The following RSBN1L variants were observed in gnomAD, a reference collection of about 807,000 sequenced individuals.
The protein encoded by RSBN1L is round spermatid basic protein 1 like.
Under a neutral mutation model 67.7 loss-of-function variants are expected in RSBN1L, and 30 were observed. The ratio of observed to expected loss-of-function variants is 0.44; its 90% CI spans 0.33 to 0.60. RSBN1L has a LOEUF of 0.60. Among genes scored for constraint, RSBN1L ranks in the 20% least tolerant of loss-of-function variants. RSBN1L has a pLI of 0.02. For synonymous variants in RSBN1L, 433 were observed against 387.0 expected (o/e 1.12, Z -1.39); for missense variants, 992 against 1,031.7 (o/e 0.96, Z 0.53).
intron 1 of RSBN1L, among the ~76,000 whole-genome samples, chr7:77,722,505 T>C (rs1791133304): frequency 6.6e-6 from 1 of 152,196 alleles, no homozygotes; most frequent in African/African-American, 2.4e-5. Context: ...CACTGGATTT[T>C]TTAGCTTTGA....
At chr7:77,698,233 A>G (rs1246026700) in intron 1 of RSBN1L, among the ~76,000 whole-genome samples, 1 of 152,244 alleles carries the variant, frequency 6.6e-6, no homozygotes, top group African/African-American at 2.4e-5. Flanking sequence ...AAGCATAGCC[A>G]TCAGGGACTC....
At position 77,778,687 on chromosome 7, in the gene RSBN1L, A is replaced by G; in HGVS notation, c.2060A>G (p.His687Arg). 6.2e-7 allele frequency: 1 copy of G among 1,614,114 alleles called. No individual in the cohort carries two copies. The highest frequency in any genetic ancestry group is 8.5e-7 in the Non-Finnish European group (1 of 1,180,014). ...TVSAVCSLAW[H>R]IRLKLYHSEE... ...TCAGCTGTATGCAGTTTAGCATGGC[A>G]TATTCGGCTCAAATTATATCACTCA... The change falls in exon 8 of 8, where the codon CAT becomes CGT. Residue 687 changes from histidine to arginine, a missense_variant. Around this residue, in one of 7 missense-constraint regions of RSBN1L, gnomAD observed 55 missense variants for 112.8 expected, o/e 0.49. Transcript: ENST00000334955.
chr7:77,700,840 C>T (rs1414263206), intron 1 of RSBN1L, among the ~76,000 whole-genome samples: 1 of 152,142 alleles, frequency 6.6e-6, no homozygotes, highest in Non-Finnish European at 1.5e-5. Context: ...GATAAACTTA[C>T]CCATTCCATT....
rs774458567 is a variant in RSBN1L at position 77,778,917 on chromosome 7, G to A, written c.2290G>A (p.Glu764Lys). ...ACCTATTGCATCTGTAAGAATCAAG[G>A]AAGAACCTGTGAATGTTAATATTCC... is the stretch of plus-strand genomic sequence containing the variant. ...HEPIASVRIK[E>K]EPVNVNIPEK... Residue 764 changes from glutamate to lysine, a missense_variant, in exon 8 of 8, where the codon GAA becomes AAA. Around this residue, in one of 7 missense-constraint regions of RSBN1L, gnomAD observed 199 missense variants for 167.7 expected, o/e 1.19. Coordinates refer to ENST00000334955, the MANE Select transcript of RSBN1L (RefSeq NM_198467.3). 1.2e-6 allele frequency: 2 copies of A among 1,614,042 alleles called. No individual in the cohort carries two copies. The highest frequency in any genetic ancestry group is 2.2e-5 in the South Asian group (2 of 91,076).
chr7:77,703,951 A>T (rs1790855279), intron 1 of RSBN1L, among the ~76,000 whole-genome samples: 1 of 152,070 alleles, frequency 6.6e-6, no homozygotes, highest in Non-Finnish European at 1.5e-5. Context: ...CCACGCCCCG[A>T]TACACTTACT....
chr7:77,756,157 A>C (rs1203532941), intron 3 of RSBN1L, among the ~76,000 whole-genome samples: 1 of 151,894 alleles, frequency 6.6e-6, no homozygotes, highest in Non-Finnish European at 1.5e-5. Flanking sequence ...TTTGAGACAG[A>C]GTCTAGCTCT....
At chr7:77,697,171 C>T in intron 1 of RSBN1L, 116 bp downstream of exon 1, 6 of 1,141,212 alleles carry the variant, frequency 5.3e-6, no homozygotes, top group Non-Finnish European at 6.7e-6. Flanking sequence ...CCTGGAGGGG[C>T]TGGGAGGCGT....
intron 1 of RSBN1L, among the ~76,000 whole-genome samples, chr7:77,722,463 A>C (rs1046301034): frequency 6.6e-6 from 1 of 152,154 alleles, no homozygotes; most frequent in African/African-American, 2.4e-5. Flanking sequence ...GTTATGTTGC[A>C]GTGAGGTCCA....
intron 1 of RSBN1L, among the ~76,000 whole-genome samples, chr7:77,702,273 A>C (rs1790828776): frequency 6.6e-6 from 1 of 152,166 alleles, no homozygotes; most frequent in African/African-American, 2.4e-5. Flanking sequence ...GAAAAGTTTA[A>C]GCCTTTAATA....
intron 1 of RSBN1L, among the ~76,000 whole-genome samples, chr7:77,709,043 T>A (rs894743890): frequency 8.5e-5 from 13 of 152,096 alleles, no homozygotes; most frequent in Admixed American, 2.0e-4. Flanking sequence ...GAGTTTGAAA[T>A]GTAGGCAGGT....
intron 1 of RSBN1L, among the ~76,000 whole-genome samples, chr7:77,723,934 C>CA (rs1237484001): frequency 6.7e-5 from 7 of 104,896 alleles, no homozygotes; most frequent in Admixed American, 8.8e-5. Flanking sequence ...AACTCTGTCT[C>CA]AAAAAAAAAA....
rs1790749128 is a variant in RSBN1L, at chr7:77,697,218, G to A, written c.586+163G>A. 7.5e-6 allele frequency: 5 copies of A among 671,002 alleles called. No individual in the cohort carries two copies. In the African/African-American group the frequency reaches 9.5e-5, roughly 13 times the overall value. The allele number at this position is 671,002 out of a possible 1,614,324, so 41.6% of individuals were successfully genotyped here. Reference sequence around the variant, plus strand: ...CAGAGGATTTTGCAGTTCCCAAGGGGACAGGAAATGGAGCCTGTAATTTCG... The same window carrying A: ...CAGAGGATTTTGCAGTTCCCAAGGGAACAGGAAATGGAGCCTGTAATTTCG... On this transcript the variant is annotated intron_variant, in intron 1 of 7. Transcript: ENST00000334955.
intron 1 of RSBN1L, among the ~76,000 whole-genome samples, chr7:77,724,471 G>GT (rs1791167430): frequency 6.7e-6 from 1 of 149,822 alleles, no homozygotes; most frequent in South Asian, 2.1e-4. Flanking sequence ...TGTTGTCCAG[G>GT]TGGGAGTACA....
chr7:77,749,638 G>A lies in RSBN1L; in HGVS notation c.918G>A (p.Lys306=), dbSNP rs1791527808. 2 of 1,614,006 alleles carry A rather than the reference G, an allele frequency of 1.2e-6. No homozygotes were observed. Among genetic ancestry groups the A allele is most frequent in the East Asian group, 4.5e-5 (2 of 44,876 alleles). ...LNDNIKDYVG[K]NLDTKNYDSK... is the part of the protein sequence containing the mutation. ...ATAACATAAAAGATTACGTTGGGAA[G>A]AATTTGGATACCAAGAACTATGATT... is the stretch of plus-strand genomic sequence containing the variant. The change falls in exon 3 of 8, where the codon AAG becomes AAA. Residue 306 remains lysine, a synonymous_variant. Coordinates refer to ENST00000334955, the MANE Select transcript of RSBN1L (RefSeq NM_198467.3).
chr7:77,757,319 C>A (rs1000424872), intron 3 of RSBN1L, among the ~76,000 whole-genome samples: 22 of 152,250 alleles, frequency 1.4e-4, no homozygotes, highest in Middle Eastern at 3.4e-3. Context: ...TTCTGTTTTC[C>A]ATCTTCATCT....
Position 77,781,371 on chromosome 7 carries a change from G to A in RSBN1L, c.*2203G>A, listed in dbSNP as rs1042431839. On this transcript the variant is annotated 3_prime_UTR_variant, in exon 8 of 8. Transcript: ENST00000334955. Reference sequence around the variant, plus strand: ...GGATTTGCACCTACCTTTTTGAGTGGCAGAAGTTCTTAACAAACCAGTATT... The same window carrying A: ...GGATTTGCACCTACCTTTTTGAGTGACAGAAGTTCTTAACAAACCAGTATT... The A allele has an allele frequency of 2.6e-5, 4 of 152,150 alleles. No individual in the cohort carries two copies. Among genetic ancestry groups the A allele is most frequent in the Non-Finnish European group, 5.9e-5 (4 of 68,044 alleles). 9.4% of individuals were successfully genotyped at this position (152,150 alleles called of 1,614,324 possible). A position where few individuals can be genotyped will look rare whatever the true frequency, so the allele number is the denominator to read the frequency against.
At chr7:77,765,471 T>C (rs752964329) in intron 3 of RSBN1L, 24 bp from the exon 4 acceptor site, 105 of 1,505,484 alleles carry the variant, frequency 7.0e-5, no homozygotes, top group Non-Finnish European at 9.2e-5. Context: ...TATTTAACTT[T>C]TAATTAAATC....
intron 1 of RSBN1L, among the ~76,000 whole-genome samples, chr7:77,725,353 A>T (rs1791186238): frequency 1.8e-5 from 1 of 56,926 alleles, no homozygotes; most frequent in Admixed American, 1.7e-4. Flanking sequence ...GGTCCAATCG[A>T]TTCTCCTGCC....
chr7:77,729,222 C>G (rs1003796997), intron 1 of RSBN1L, among the ~76,000 whole-genome samples: 1 of 151,986 alleles, frequency 6.6e-6, no homozygotes, highest in African/African-American at 2.4e-5. Context: ...TTTCTTGAGT[C>G]TGATTTTCTG....
Sources: gnomAD v4.1 joint callset for allele counts (sites outside exome capture counted in the v4.1 genomes callset) on GRCh38, gnomAD v4.1.1 for gene constraint, gnomAD v4.1.1 regional missense constraint, MANE v1.5 for transcripts, NCBI Gene and HGNC (gene_info 2026-07-23, HGNC 2026-07-21) for gene names.